FBXL17: variants seen among roughly 807,000 people sequenced by gnomAD.
The protein encoded by FBXL17 is F-box/LRR-repeat protein 17.
FBXL17 carries 22 observed loss-of-function variants against 66.2 expected under a neutral mutation model. That is an observed-to-expected ratio of 0.33 (90% CI 0.24 to 0.47). The LOEUF (loss-of-function observed/expected upper bound fraction) is 0.47. Ranked by LOEUF, FBXL17 falls within the 20% of genes least tolerant of loss-of-function variation. The probability of loss-of-function intolerance (pLI) is 1.00; values close to 1 mark genes in which losing one functional copy is unlikely to be tolerated. For synonymous variants in FBXL17, 474 were observed against 400.5 expected (o/e 1.18, Z -2.19); for missense variants, 878 against 948.2 (o/e 0.93, Z 0.97).
At chr5:108,131,651 T>C (rs1429891618) in intron 6 of FBXL17, among the ~76,000 whole-genome samples, 2 of 152,118 alleles carry the variant, frequency 1.3e-5, no homozygotes, top group Non-Finnish European at 2.9e-5. Flanking sequence ...AAATTTTTGC[T>C]ACAGAGGAAA....
intron 7 of FBXL17, among the ~76,000 whole-genome samples, chr5:107,959,082 T>TA (rs1322904402): frequency 2.0e-5 from 3 of 152,074 alleles, no homozygotes; most frequent in Admixed American, 1.3e-4. Context: ...GGCCTTCTCT[T>TA]ACACGCACCA....
intron 4 of FBXL17, among the ~76,000 whole-genome samples, chr5:108,305,511 C>A (rs1300991687): frequency 6.6e-6 from 1 of 151,950 alleles, no homozygotes; most frequent in Non-Finnish European, 1.5e-5. Flanking sequence ...GTGAGGATTG[C>A]TAAGCAGAAG....
chr5:108,044,361 T>C (rs1747168125), intron 6 of FBXL17, among the ~76,000 whole-genome samples: 1 of 152,210 alleles, frequency 6.6e-6, no homozygotes, highest in African/African-American at 2.4e-5. Context: ...TTCCTGTCTG[T>C]TTCTGTCTTT....
chr5:107,912,490 C>T (rs1749982999), intron 7 of FBXL17, among the ~76,000 whole-genome samples: 1 of 151,930 alleles, frequency 6.6e-6, no homozygotes, highest in Non-Finnish European at 1.5e-5. Flanking sequence ...GCTAAAAGAA[C>T]AAAGTACATC....
intron 6 of FBXL17, among the ~76,000 whole-genome samples, chr5:108,121,419 C>T (rs1474962441): frequency 6.6e-6 from 1 of 152,102 alleles, no homozygotes; most frequent in Admixed American, 6.5e-5. Flanking sequence ...ATGCTCTACA[C>T]ACAAAGTCTT....
At chr5:108,200,980 G>C (rs960307483) in intron 5 of FBXL17, among the ~76,000 whole-genome samples, 2 of 152,084 alleles carry the variant, frequency 1.3e-5, no homozygotes, top group Admixed American at 1.3e-4. Flanking sequence ...AGAAAATAAT[G>C]AGTAATAACA....
rs74931808 is a variant in FBXL17, at chr5:108,088,354, A to G, written c.1746-67353T>C. On this transcript the variant is annotated intron_variant, in intron 6 of 8. Coordinates refer to ENST00000542267, the MANE Select transcript of FBXL17 (RefSeq NM_001163315.3). ...CTCTTTTTGTTGACTTTTCTAAAGCATTATTGTTCCCTTGACACTTCTCTT... is the reference window on the plus strand; with the variant it reads ...CTCTTTTTGTTGACTTTTCTAAAGCGTTATTGTTCCCTTGACACTTCTCTT... Among the ~76,000 whole-genome samples the G allele has an allele frequency of 1.4e-3, 208 of 152,258 alleles. 1 individual carries two copies. Among genetic ancestry groups the G allele is most frequent in the Admixed American group, 2.0e-3 (31 of 15,282 alleles).
Position 108,072,537 on chromosome 5 carries a change from A to C in FBXL17, c.1746-51536T>G, listed in dbSNP as rs1000213157. Among the ~76,000 whole-genome samples the C allele has an allele frequency of 7.7e-4, 117 of 152,308 alleles. 1 individual carries two copies. Among genetic ancestry groups the C allele is most frequent in the African/African-American group, 2.7e-3 (114 of 41,566 alleles). Reference sequence around the variant, plus strand: ...GCTAACATGGTGAAACCCCGTCTCTACTAAAAATATTTTTAAAAAAATTAG... The same window carrying C: ...GCTAACATGGTGAAACCCCGTCTCTCCTAAAAATATTTTTAAAAAAATTAG... On this transcript the variant is annotated intron_variant, in intron 6 of 8. Coordinates refer to ENST00000542267, the MANE Select transcript of FBXL17 (RefSeq NM_001163315.3).
At chr5:107,931,518 C>A (rs1750737415) in intron 7 of FBXL17, among the ~76,000 whole-genome samples, 1 of 151,876 alleles carries the variant, frequency 6.6e-6, no homozygotes, top group Admixed American at 6.6e-5. Flanking sequence ...ACCTCAGCCT[C>A]CTCCCAAAGT....
chr5:108,250,149 C>A (rs563384719), intron 4 of FBXL17, among the ~76,000 whole-genome samples: 2 of 152,180 alleles, frequency 1.3e-5, no homozygotes, highest in South Asian at 4.1e-4. Flanking sequence ...TCAATTTTTT[C>A]CTTTTAGAAA....
intron 4 of FBXL17, among the ~76,000 whole-genome samples, chr5:108,226,152 C>CT (rs1186564494): frequency 6.6e-6 from 1 of 152,114 alleles, no homozygotes; most frequent in Non-Finnish European, 1.5e-5. Context: ...TAGTTTGTCA[C>CT]TCTTCCCCTC....
intron 7 of FBXL17, among the ~76,000 whole-genome samples, chr5:107,976,652 T>C (rs1255041459): frequency 2.6e-5 from 4 of 152,056 alleles, no homozygotes; most frequent in African/African-American, 9.7e-5. Context: ...GAGATATGAG[T>C]AGAAAAAAGG....
At chr5:108,218,108 C>T (rs1314499316) in intron 5 of FBXL17, among the ~76,000 whole-genome samples, 1 of 150,368 alleles carries the variant, frequency 6.7e-6, no homozygotes, top group African/African-American at 2.5e-5. Flanking sequence ...CGGGTTCACG[C>T]CATTCTCCTG....
intron 4 of FBXL17, among the ~76,000 whole-genome samples, chr5:108,272,385 ACT>A (rs1297273858): frequency 6.6e-6 from 1 of 150,706 alleles, no homozygotes; most frequent in Non-Finnish European, 1.5e-5. Context: ...ACAGGGTCTC[ACT>A]CTGTTGCCCA....
intron 8 of FBXL17, among the ~76,000 whole-genome samples, chr5:107,863,142 GAATA>G (rs945025702): frequency 6.6e-6 from 1 of 151,114 alleles, no homozygotes; most frequent in African/African-American, 2.4e-5. Context: ...AAACAATTTT[GAATA>G]AAAAAAGGAA....
intron 2 of FBXL17, among the ~76,000 whole-genome samples, chr5:108,365,627 A>G (rs1301208139): frequency 6.6e-6 from 1 of 152,080 alleles, no homozygotes; most frequent in African/African-American, 2.4e-5. Flanking sequence ...CAAAACTGAG[A>G]AAGAAATTAA....
intron 7 of FBXL17, among the ~76,000 whole-genome samples, chr5:108,008,285 A>T (rs1754016195): frequency 6.6e-6 from 1 of 152,102 alleles, no homozygotes; most frequent in African/African-American, 2.4e-5. Flanking sequence ...CCAATTTATA[A>T]TTTTTTTGAA....
chr5:108,221,692 G>A (rs902677542), intron 5 of FBXL17, among the ~76,000 whole-genome samples: 2 of 151,990 alleles, frequency 1.3e-5, no homozygotes, highest in African/African-American at 2.4e-5. Context: ...ACTTTTTAAG[G>A]GGTGTTTATA....
chr5:108,068,429 A>G (rs1386347138), intron 6 of FBXL17, among the ~76,000 whole-genome samples: 1 of 124,696 alleles, frequency 8.0e-6, no homozygotes, highest in Admixed American at 9.4e-5. Context: ...AAATACTCCT[A>G]ATTTCTTTTC....
Sources: gnomAD v4.1 joint callset for allele counts (sites outside exome capture counted in the v4.1 genomes callset) on GRCh38, gnomAD v4.1.1 for gene constraint, MANE v1.5 for transcripts, NCBI Gene and HGNC (gene_info 2026-07-23, HGNC 2026-07-21) for gene names.